Variants in CAMK1D observed in about 807,000 individuals in gnomAD.
CAMK1D encodes the protein calcium/calmodulin dependent protein kinase ID, also known as calcium/calmodulin-dependent protein kinase type 1D.
Under a neutral mutation model 47.7 loss-of-function variants are expected in CAMK1D, and 9 were observed. That is an observed-to-expected ratio of 0.19 (90% confidence interval 0.11 to 0.33). The LOEUF (loss-of-function observed/expected upper bound fraction) is 0.33. Ranked by LOEUF, CAMK1D falls within the 10% of genes least tolerant of loss-of-function variation. The pLI, the probability that CAMK1D is intolerant of heterozygous loss-of-function variation, is 1.00. For synonymous variants in CAMK1D, 184 were observed against 184.9 expected (o/e 0.99, Z 0.04); for missense variants, 291 against 488.7 (o/e 0.60, Z 3.81).
chr10:12,616,023 CTG>C (rs149102842), intron 2 of CAMK1D, among the ~76,000 whole-genome samples: 23,472 of 147,772 alleles, frequency 0.16, 2,041 homozygotes, highest in Admixed American at 0.21. Flanking sequence ...ATGTGTGTTG[CTG>C]TGTGTGTGGG....
intron 1 of CAMK1D, among the ~76,000 whole-genome samples, chr10:12,351,913 A>C (rs984608726): frequency 3.9e-5 from 6 of 152,196 alleles, no homozygotes; most frequent in African/African-American, 1.4e-4. Flanking sequence ...CATTGGACCT[A>C]GAAGAATGAT....
intron 2 of CAMK1D, among the ~76,000 whole-genome samples, chr10:12,593,770 C>G (rs1838064526): frequency 6.6e-6 from 1 of 152,208 alleles, no homozygotes; most frequent in African/African-American, 2.4e-5. Flanking sequence ...TCTCCTAAAT[C>G]TAGCTCCTTC....
intron 3 of CAMK1D, among the ~76,000 whole-genome samples, chr10:12,674,476 CCTGT>C (rs1475502112): frequency 2.0e-5 from 3 of 152,020 alleles, no homozygotes; most frequent in Non-Finnish European, 4.4e-5. Flanking sequence ...AATATTATTA[CCTGT>C]CTAATTGCTA....
At chr10:12,719,526 G>A (rs954323981) in intron 3 of CAMK1D, among the ~76,000 whole-genome samples, 3 of 152,198 alleles carry the variant, frequency 2.0e-5, no homozygotes, top group Non-Finnish European at 4.4e-5. Context: ...CTTTCCTGGC[G>A]CCTGTGGGCA....
At chr10:12,709,218 G>GA (rs1201478433) in intron 3 of CAMK1D, among the ~76,000 whole-genome samples, 1 of 151,572 alleles carries the variant, frequency 6.6e-6, no homozygotes, top group African/African-American at 2.4e-5. Flanking sequence ...TGGAAAATTA[G>GA]AAAAAAACAA....
intron 6 of CAMK1D, among the ~76,000 whole-genome samples, chr10:12,805,814 A>G (rs1838703391): frequency 1.3e-5 from 2 of 152,266 alleles, no homozygotes. Context: ...TCGGGCATCC[A>G]GCCACCTTTT....
chr10:12,622,115 T>G (rs996773494), intron 2 of CAMK1D, among the ~76,000 whole-genome samples: 2 of 152,188 alleles, frequency 1.3e-5, no homozygotes, highest in African/African-American at 4.8e-5. Context: ...GTTTCCTCTT[T>G]GGCGTCTTTG....
chr10:12,588,069 TATAAA>T (rs1301928911), intron 2 of CAMK1D, among the ~76,000 whole-genome samples: 1 of 152,130 alleles, frequency 6.6e-6, no homozygotes, highest in Non-Finnish European at 1.5e-5. Flanking sequence ...TCGTAGATAA[TATAAA>T]GTAAGTGAAT....
At chr10:12,795,903 G>C (rs1838177933) in intron 6 of CAMK1D, among the ~76,000 whole-genome samples, 1 of 152,192 alleles carries the variant, frequency 6.6e-6, no homozygotes. Context: ...TGCCAGGAAG[G>C]GCTGAGGACG....
At chr10:12,387,397 T>TATTTTATATATTATATATATTATATATA (rs199871181) in intron 1 of CAMK1D, among the ~76,000 whole-genome samples, 5 of 83,730 alleles carry the variant, frequency 6.0e-5, no homozygotes, top group East Asian at 6.6e-4. Flanking sequence ...ATATTATATA[T>TATTTTATATATTATATATATTATATATA]TTTTATATAT....
At chr10:12,761,944 G>T (rs2130907543) in intron 4 of CAMK1D, among the ~76,000 whole-genome samples, 1 of 152,294 alleles carries the variant, frequency 6.6e-6, no homozygotes, top group South Asian at 2.1e-4. Flanking sequence ...GTTTCCTAAT[G>T]AGGTTTTGGT....
chr10:12,688,229 C>T (rs1832734451), intron 3 of CAMK1D, among the ~76,000 whole-genome samples: 1 of 152,186 alleles, frequency 6.6e-6, no homozygotes, highest in Admixed American at 6.6e-5. Flanking sequence ...TGAAGTCTCT[C>T]CTGGGTACTG....
chr10:12,615,471 T>C (rs991948289), intron 2 of CAMK1D, among the ~76,000 whole-genome samples: 4 of 148,258 alleles, frequency 2.7e-5, no homozygotes, highest in African/African-American at 5.3e-5. Flanking sequence ...TGTGAGTGTG[T>C]GCACGTGTGT....
intron 6 of CAMK1D, 92 bp from the exon 7 acceptor site, chr10:12,814,103 C>A: frequency 1.2e-6 from 1 of 832,558 alleles, no homozygotes; most frequent in Non-Finnish European, 2.0e-6. Context: ...TTTCTTAACT[C>A]AGTTGGTAAT....
At chr10:12,620,128 A>G (rs575716112) in intron 2 of CAMK1D, among the ~76,000 whole-genome samples, 1 of 142,866 alleles carries the variant, frequency 7.0e-6, no homozygotes, top group Middle Eastern at 3.9e-3. Context: ...TTTGACTATT[A>G]AAAAATAAAG....
intron 2 of CAMK1D, among the ~76,000 whole-genome samples, chr10:12,564,314 T>A (rs1259139582): frequency 6.7e-6 from 1 of 148,224 alleles, no homozygotes; most frequent in Non-Finnish European, 1.5e-5. Flanking sequence ...AAAGATTCAA[T>A]TTTTTTTTTT....
chr10:12,601,646 T>C (rs1326914806), intron 2 of CAMK1D, among the ~76,000 whole-genome samples: 2 of 152,204 alleles, frequency 1.3e-5, no homozygotes, highest in African/African-American at 2.4e-5. Flanking sequence ...GTATTTTTAG[T>C]AGAGACGGGG....
chr10:12,588,081 G>GAAACGGAGCAT (rs1837874511), intron 2 of CAMK1D, among the ~76,000 whole-genome samples: 1 of 152,072 alleles, frequency 6.6e-6, no homozygotes, highest in Non-Finnish European at 1.5e-5. Context: ...TAAAGTAAGT[G>GAAACGGAGCAT]AATATTTCCA....
chr10:12,372,857 C>G (rs1381402824), intron 1 of CAMK1D, among the ~76,000 whole-genome samples: 1 of 152,200 alleles, frequency 6.6e-6, no homozygotes, highest in Non-Finnish European at 1.5e-5. Context: ...TCTTGAACTC[C>G]TGGGCTCAAG....
Sources: allele counts gnomAD v4.1 joint callset (sites outside exome capture counted in the v4.1 genomes callset), GRCh38; gene constraint gnomAD v4.1.1; transcripts MANE v1.5; gene names NCBI Gene and HGNC (gene_info 2026-07-23, HGNC 2026-07-21).